Variants in CCT4 observed in about 807,000 individuals in gnomAD.
CCT4 encodes chaperonin containing TCP1 subunit 4.
In CCT4, 17 loss-of-function variants were observed where a neutral mutation model predicts 62.5. The ratio of observed to expected loss-of-function variants is 0.27; its 90% confidence interval spans 0.19 to 0.41. CCT4 has a LOEUF of 0.41. Among genes scored for constraint, CCT4 ranks in the 10% least tolerant of loss-of-function variants. The pLI, the probability that CCT4 is intolerant of heterozygous loss-of-function variation, is 1.00. For synonymous variants in CCT4, 250 were observed against 229.9 expected, an observed-to-expected ratio of 1.09 and a Z score of -0.79; for missense variants, 592 against 659.2, an observed-to-expected ratio of 0.90 and a Z score of 1.12.
chr2:61,868,760 T>C (rs1668824955), intron 13 of CCT4, 54 bp from the exon 14 acceptor site: 1 of 1,302,428 alleles, frequency 7.7e-7, no homozygotes, highest in African/African-American at 1.5e-5. Flanking sequence ...ATTTTAAAGC[T>C]GGAAAATGTT....
chr2:61,872,635 C>A (rs752592305), intron 10 of CCT4, 47 bp from the exon 11 acceptor site: 2 of 1,605,132 alleles, frequency 1.2e-6, no homozygotes, highest in African/African-American at 1.3e-5. Flanking sequence ...GTCAAAAAAA[C>A]CCCACACCCA....
intron 12 of CCT4, among the ~76,000 whole-genome samples, chr2:61,870,743 A>G (rs1216938347): frequency 6.6e-6 from 1 of 152,080 alleles, no homozygotes; most frequent in Non-Finnish European, 1.5e-5. Flanking sequence ...ACACAGTGAA[A>G]CACCATATCT....
chr2:61,868,656 A>G lies in CCT4; in HGVS notation c.*36T>C. 6.6e-7 allele frequency: 1 copy of G among 1,515,426 alleles called. No individual in the cohort carries two copies. The highest frequency in any genetic ancestry group is 1.4e-5 in the African/African-American group (1 of 73,070). The allele number at this position is 1,515,426 out of a possible 1,614,324, so 93.9% of individuals were successfully genotyped here. On this transcript the variant is annotated 3_prime_UTR_variant, in exon 14 of 14. Transcript: ENST00000394440. ...GATCTTCTTCCATTCCAGCCACAAT[A>G]CTGGTGATCATAATGGTGCTAGTCA...
chr2:61,874,693 C>T (rs1356386099), intron 8 of CCT4, among the ~76,000 whole-genome samples: 1 of 152,044 alleles, frequency 6.6e-6, no homozygotes, highest in African/African-American at 2.4e-5. Flanking sequence ...GAGCATTCCC[C>T]CAAAAAGTAC....
At chr2:61,876,063 T>C in intron 8 of CCT4, 32 bp downstream of exon 8, 1 of 1,463,276 alleles carries the variant, frequency 6.8e-7, no homozygotes, top group Non-Finnish European at 9.4e-7. Context: ...AAAATTATCA[T>C]TAAGGGATGA....
At chr2:61,882,057 C>T (rs567071211) in intron 3 of CCT4, among the ~76,000 whole-genome samples, 5 of 151,890 alleles carry the variant, frequency 3.3e-5, no homozygotes, top group Middle Eastern at 3.4e-3. Flanking sequence ...TCTCTGCCTC[C>T]GAGTAGCTGA....
rs1572918741 is a variant in CCT4 at position 61,876,178 on chromosome 2, T to C, written c.834A>G (p.Glu278=). ...DYAQMDRVLR[E]ERAYILNLVK... ...CTAAATTTAAAATATAGGCTCTCTC[T>C]TCTCGCAGCACTCGGTCCATCTGGG... is the stretch of plus-strand genomic sequence containing the variant. The change falls in exon 8 of 14, where the codon GAA becomes GAG. Residue 278 remains glutamate, a synonymous_variant. Transcript: ENST00000394440. The C allele has an allele frequency of 6.2e-7, 1 of 1,610,604 alleles. No homozygotes were observed. Among genetic ancestry groups the C allele is most frequent in the Non-Finnish European group, 8.5e-7 (1 of 1,177,062 alleles).
chr2:61,868,844 A>C, intron 13 of CCT4, 138 bp from the exon 14 acceptor site: 1 of 701,946 alleles, frequency 1.4e-6, no homozygotes, highest in East Asian at 2.7e-5. Context: ...ATTTATCAAA[A>C]GTAAAAACTT....
At chr2:61,872,863 C>T in intron 10 of CCT4, 139 bp downstream of exon 10, 1 of 688,770 alleles carries the variant, frequency 1.5e-6, no homozygotes, top group South Asian at 1.8e-5. Flanking sequence ...GGAGGCGGAG[C>T]TTGTAGTGAG....
Position 61,876,230 on chromosome 2 carries a change from T to G in CCT4, c.782A>C (p.Asp261Ala). The G allele has an allele frequency of 6.3e-7, 1 of 1,592,358 alleles. No individual in the cohort carries two copies. Among genetic ancestry groups the G allele is most frequent in the South Asian group, 1.2e-5 (1 of 86,656 alleles). The change falls in exon 8 of 14, where the codon GAT (aspartate) becomes GCT (alanine). Residue 261 changes from aspartate (D) to alanine (A), a missense_variant. This residue lies in a region of CCT4 where 522 missense variants were observed against 571.2 expected (regional missense o/e 0.91). Coordinates refer to ENST00000394440, the MANE Select transcript of CCT4 (RefSeq NM_006430.4). ...FCLSAPKTDM[D>A]NQIVVSDYAQ... ...ATAGTCAGAAACCACTATTTGATTA[T>G]CCATCTGTTCAGAAAAAGAACATCA...
At position 61,876,931 on chromosome 2, in the gene CCT4, G is replaced by C; in HGVS notation, c.766C>G (p.Pro256Ala). Reference sequence around the variant, plus strand: ...TGGATTCTACTTACGTCTGTTTTGGGAGCAGATAAGCAAAACTGAATAAGC... The same window carrying C: ...TGGATTCTACTTACGTCTGTTTTGGCAGCAGATAAGCAAAACTGAATAAGC... ...IGLIQFCLSA[P>A]KTDMDNQIVV... The change falls in exon 7 of 14, where the codon CCC (proline) becomes GCC (alanine). Residue 256 changes from proline to alanine, a missense_variant. Physicochemically the swap from Pro to Ala is conservative, Grantham distance 27. Around this residue, in one of 3 missense-constraint regions of CCT4, gnomAD observed 522 missense variants for 571.2 expected, o/e 0.91. Coordinates refer to ENST00000394440, the MANE Select transcript of CCT4 (RefSeq NM_006430.4). 6.2e-7 allele frequency: 1 copy of C among 1,611,072 alleles called. No homozygotes were observed. Among genetic ancestry groups the C allele is most frequent in the Non-Finnish European group, 8.5e-7 (1 of 1,179,008 alleles).
At chr2:61,873,982 G>C (rs537524406) in intron 8 of CCT4, among the ~76,000 whole-genome samples, 12 of 152,284 alleles carry the variant, frequency 7.9e-5, no homozygotes, top group South Asian at 2.1e-4. Context: ...TTACAGGCAT[G>C]AGCCACTGTG....
chr2:61,886,301 A>G (rs1467837348), intron 1 of CCT4, among the ~76,000 whole-genome samples: 4 of 152,062 alleles, frequency 2.6e-5, no homozygotes, highest in Non-Finnish European at 5.9e-5. Flanking sequence ...CCAGCTAGCT[A>G]CTCGGGAGGC....
At position 61,880,405 on chromosome 2, in the gene CCT4, A is replaced by G. The variant is rs966580969; in HGVS notation, c.271-11T>C. ...AGACAGCTCCACCAGCTAAGTGAAC[A>G]GAAAATGCCAAGTTGCTCAATGAGA... On this transcript the variant is annotated splice_polypyrimidine_tract_variant and intron_variant, in intron 3 of 13. Transcript: ENST00000394440. The G allele has an allele frequency of 1.3e-6, 2 of 1,493,116 alleles. No homozygotes were observed. Among genetic ancestry groups the G allele is most frequent in the East Asian group, 2.3e-5 (1 of 43,938 alleles). 92.5% of individuals were successfully genotyped at this position (1,493,116 alleles called of 1,614,324 possible).
intron 1 of CCT4, 104 bp from the exon 2 acceptor site, chr2:61,885,176 A>C: frequency 1.4e-6 from 1 of 736,652 alleles, no homozygotes; most frequent in Non-Finnish European, 2.0e-6. Context: ...TCCTGGGCTC[A>C]AGCAACCCTC....
chr2:61,885,346 A>G (rs10190609), intron 1 of CCT4, among the ~76,000 whole-genome samples: 9,162 of 152,242 alleles, frequency 0.06, 343 homozygotes, highest in Middle Eastern at 0.071. Context: ...AAAATAATCT[A>G]TTGGCAACAA....
At chr2:61,877,201 A>C in intron 6 of CCT4, 149 bp from the exon 7 acceptor site, 1 of 889,232 alleles carries the variant, frequency 1.1e-6, no homozygotes, top group Non-Finnish European at 1.7e-6. Context: ...TCTTTGATCC[A>C]CTGCTGCCTT....
rs572369860 is a variant in CCT4, at chr2:61,873,365, TTTAA to T, written c.918-76_918-73del. The T allele has an allele frequency of 2.2e-3, 1,556 of 697,420 alleles. 4 individuals carry two copies. The highest frequency in any genetic ancestry group is 0.012 in the East Asian group (478 of 40,002). The allele number at this position is 697,420 out of a possible 1,614,324, so 43.2% of individuals were successfully genotyped here. A position where few individuals can be genotyped will look rare whatever the true frequency, so the allele number is the denominator to read the frequency against. On this transcript the variant is annotated intron_variant, in intron 8 of 13. Coordinates refer to ENST00000394440, the MANE Select transcript of CCT4 (RefSeq NM_006430.4). ...TTTGCTCTTCAAATGCCTTTAAGGT[TTTAA>T]TTACTGTTTCTTAAATGGCCAATCA...
At chr2:61,871,839 CTAAG>C (rs1425829363) in intron 12 of CCT4, among the ~76,000 whole-genome samples, 1 of 152,172 alleles carries the variant, frequency 6.6e-6, no homozygotes, top group Non-Finnish European at 1.5e-5. Flanking sequence ...GAGGAACAGA[CTAAG>C]TAACTTGCTA....
Sources: allele counts gnomAD v4.1 joint callset (sites outside exome capture counted in the v4.1 genomes callset), GRCh38; gene constraint gnomAD v4.1.1; regional missense constraint gnomAD v4.1.1; transcripts MANE v1.5; gene names NCBI Gene and HGNC (gene_info 2026-07-23, HGNC 2026-07-21).